PPM1B: variants seen among roughly 807,000 people sequenced by gnomAD.
The protein encoded by PPM1B is protein phosphatase 1B.
Under a neutral mutation model 43.0 loss-of-function variants are expected in PPM1B, and 22 were observed. That is an observed-to-expected ratio of 0.51 (90% CI 0.37 to 0.73). The LOEUF is 0.73. Among genes scored for constraint, PPM1B ranks in the 30% least tolerant of loss-of-function variants. The probability of loss-of-function intolerance (pLI) is 0.00; values close to 1 mark genes in which losing one functional copy is unlikely to be tolerated. For synonymous variants in PPM1B, 217 were observed against 197.9 expected, an observed-to-expected ratio of 1.10 and a Z score of -0.81; for missense variants, 632 against 584.2, an observed-to-expected ratio of 1.08 and a Z score of -0.84.
downstream of PPM1B, chr2:44,234,566 T>TG (rs1007690358): frequency 2.1e-6 from 2 of 952,286 alleles, no homozygotes; most frequent in African/African-American, 1.9e-5. Flanking sequence ...GGGGGCAGGG[T>TG]GGGGGTTACT....
At chr2:44,185,408 T>C (rs773643158) in intron 1 of PPM1B, among the ~76,000 whole-genome samples, 10 of 152,226 alleles carry the variant, frequency 6.6e-5, no homozygotes, top group Admixed American at 2.6e-4. Context: ...TAGAGCACAC[T>C]GTATGTATTC....
intron 5 of PPM1B, chr2:44,219,284 A>C (rs543782531): frequency 1.7e-4 from 26 of 151,860 alleles, no homozygotes; most frequent in Admixed American, 1.7e-3. Flanking sequence ...TAAATTATTT[A>C]ATTTTTAATA....
chr2:44,212,873 C>T (rs899371947), intron 3 of PPM1B, among the ~76,000 whole-genome samples: 2 of 151,774 alleles, frequency 1.3e-5, no homozygotes, highest in African/African-American at 2.4e-5. Flanking sequence ...ATTAGCTGGG[C>T]GTGGTGGTGG....
chr2:44,208,401 C>T (rs770736381), intron 2 of PPM1B, among the ~76,000 whole-genome samples: 13 of 152,100 alleles, frequency 8.5e-5, no homozygotes, highest in Non-Finnish European at 1.5e-4. Flanking sequence ...ACTGTGCCCT[C>T]TGAATAGTTT....
chr2:44,235,023 G>A (rs1404504797), downstream of PPM1B, among the ~76,000 whole-genome samples: 2 of 152,174 alleles, frequency 1.3e-5, no homozygotes, highest in Non-Finnish European at 2.9e-5. Context: ...CACACAGATA[G>A]GTAGTTGGAA....
intron 2 of PPM1B, among the ~76,000 whole-genome samples, chr2:44,206,654 T>A (rs1669203524): frequency 2.7e-5 from 4 of 150,004 alleles, no homozygotes; most frequent in Admixed American, 1.3e-4. Context: ...GAAATTAGAT[T>A]TCTAAAAGTG....
At chr2:44,198,783 T>G (rs777198492) in intron 1 of PPM1B, among the ~76,000 whole-genome samples, 1 of 152,190 alleles carries the variant, frequency 6.6e-6, no homozygotes, top group Non-Finnish European at 1.5e-5. Context: ...CATCATGCTC[T>G]TAAGACTGTT....
At chr2:44,181,334 T>C (rs1399180858) in intron 1 of PPM1B, among the ~76,000 whole-genome samples, 1 of 152,124 alleles carries the variant, frequency 6.6e-6, no homozygotes, top group African/African-American at 2.4e-5. Context: ...GGAATGACCA[T>C]GATGAAGTTG....
intron 2 of PPM1B, among the ~76,000 whole-genome samples, chr2:44,207,976 C>A (rs371857363): frequency 6.6e-6 from 1 of 151,144 alleles, no homozygotes; most frequent in South Asian, 2.1e-4. Context: ...GCAACCTCCA[C>A]CTCCCGGGTT....
downstream of PPM1B, chr2:44,233,593 A>G: frequency 2.0e-6 from 2 of 985,806 alleles, no homozygotes; most frequent in Non-Finnish European, 2.4e-6. Flanking sequence ...GTATGTTTAA[A>G]TTGTGTTTCA....
chr2:44,213,641 T>TA (rs143464547), intron 3 of PPM1B: 571 of 152,292 alleles, frequency 3.7e-3, no homozygotes, highest in African/African-American at 0.013. Context: ...ACAATGTGCT[T>TA]AAAGTTTTTT....
At chr2:44,223,575 C>T (rs1490645106) in intron 5 of PPM1B, among the ~76,000 whole-genome samples, 1 of 151,578 alleles carries the variant, frequency 6.6e-6, no homozygotes, top group Non-Finnish European at 1.5e-5. Flanking sequence ...TTTGGGAGGG[C>T]GAGGCAGGAG....
intron 3 of PPM1B, among the ~76,000 whole-genome samples, chr2:44,211,742 C>CTT (rs55716263): frequency 4.0e-3 from 312 of 78,358 alleles, no homozygotes; most frequent in Non-Finnish European, 4.9e-3. Context: ...CTGATTCTGT[C>CTT]TTTTTTTTTT....
chr2:44,234,721 G>T, downstream of PPM1B: 2 of 568,594 alleles, frequency 3.5e-6, no homozygotes, highest in Non-Finnish European at 4.5e-6. Context: ...ATACTCCAGT[G>T]AACTTTTGCT....
chr2:44,197,089 C>T (rs1668695591), intron 1 of PPM1B, among the ~76,000 whole-genome samples: 1 of 152,124 alleles, frequency 6.6e-6, no homozygotes, highest in African/African-American at 2.4e-5. Context: ...GAGTCTTCCC[C>T]ATCTACCCCC....
chr2:44,188,021 A>G (rs998480749), intron 1 of PPM1B, among the ~76,000 whole-genome samples: 3 of 152,182 alleles, frequency 2.0e-5, no homozygotes, highest in Non-Finnish European at 4.4e-5. Flanking sequence ...AGGTGCTAGG[A>G]TTACAGGCGT....
intron 3 of PPM1B, among the ~76,000 whole-genome samples, chr2:44,211,906 C>T (rs1156342167): frequency 3.9e-5 from 6 of 152,088 alleles, no homozygotes; most frequent in Non-Finnish European, 7.4e-5. Flanking sequence ...TGTGCCACCA[C>T]ACCCGGCCAA....
intron 2 of PPM1B, among the ~76,000 whole-genome samples, chr2:44,204,591 A>G (rs1473093366): frequency 2.0e-5 from 3 of 152,312 alleles, no homozygotes; most frequent in African/African-American, 4.8e-5. Context: ...AATACTTTAC[A>G]TATTTTAACT....
intron 1 of PPM1B, among the ~76,000 whole-genome samples, chr2:44,200,916 A>C (rs1668902623): frequency 6.6e-6 from 1 of 152,186 alleles, no homozygotes; most frequent in Admixed American, 6.5e-5. Flanking sequence ...CATACAAGTC[A>C]CCAGAGAGGC....
Sources: gnomAD v4.1 joint callset for allele counts (sites outside exome capture counted in the v4.1 genomes callset) on GRCh38, gnomAD v4.1.1 for gene constraint, MANE v1.5 for transcripts, NCBI Gene and HGNC (gene_info 2026-07-23, HGNC 2026-07-21) for gene names.